Variants in LPA observed in about 807,000 individuals in gnomAD.
LPA encodes apolipoprotein(a).
LPA carries 199 observed loss-of-function variants against 197.9 expected under a neutral mutation model. The ratio of observed to expected loss-of-function variants is 1.01; its 90% CI spans 0.90 to 1.13. LPA has a LOEUF of 1.13. Among genes scored for constraint, LPA ranks in the 50% most tolerant of loss-of-function variants. The pLI is 0.00. For missense variants in LPA, 1,853 were observed against 1,785.8 expected (o/e 1.04, Z -0.68); for synonymous variants, 715 against 639.5 (o/e 1.12, Z -1.78).
At chr6:160,583,596 A>G (rs1288669927) in intron 26 of LPA, among the ~76,000 whole-genome samples, 1 of 152,094 alleles carries the variant, frequency 6.6e-6, no homozygotes, top group Non-Finnish European at 1.5e-5. Flanking sequence ...TTCTTTCCCC[A>G]GTAGCTGTTC....
In LPA at chr6:160,605,643, G is replaced by A. The variant is rs545544540; in HGVS notation, c.2786-438C>T. Among the ~76,000 whole-genome samples, 24 of 152,198 alleles carry A rather than the reference G, an allele frequency of 1.6e-4. No individual in the cohort carries two copies. The East Asian group carries it at 3.3e-3, about 21-fold the overall frequency. ...GATTGGGTGTTAGGGGCAGAGAAAC[G>A]GACAGACATGAAAACAATGAACGTT... On this transcript the variant is annotated intron_variant, in intron 17 of 38. Transcript: ENST00000316300.
intron 28 of LPA, among the ~76,000 whole-genome samples, chr6:160,559,677 C>T (rs1440202013): frequency 3.9e-5 from 6 of 152,172 alleles, no homozygotes; most frequent in Non-Finnish European, 1.5e-5. Flanking sequence ...ATCAGTGACA[C>T]CACTTATTAT....
Position 160,586,583 on chromosome 6 carries a change from G to C in LPA, c.3995C>G (p.Pro1332Arg). 2 of 1,613,778 alleles carry C rather than the reference G, an allele frequency of 1.2e-6. No homozygotes were observed. The highest frequency in any genetic ancestry group is 1.7e-6 in the Non-Finnish European group (2 of 1,179,816). The change falls in exon 25 of 39, where the codon CCT (proline) becomes CGT (arginine). Residue 1332 changes from proline to arginine, a missense_variant. Transcript: ENST00000316300. Reference protein sequence around the residue: ...YCRNPDAEIRPWCYTMDPSVR... With the variant: ...YCRNPDAEIRRWCYTMDPSVR... The stretch of plus-strand genomic sequence containing the variant: ...ACTGGGATCCATGGTATAACACCAA[G>C]GGCGAATCTCAGCATCTGGATTCCT...
intron 2 of LPA, among the ~76,000 whole-genome samples, chr6:160,649,480 C>T (rs1779965595): frequency 6.6e-6 from 1 of 152,160 alleles, no homozygotes; most frequent in Admixed American, 6.5e-5. Flanking sequence ...TCCTAGCCAC[C>T]TGAATAATCC....
Position 160,647,153 on chromosome 6 carries a change from A to C in LPA, c.210-758T>G, listed in dbSNP as rs573439020. ...AGTCTATCCTCTGCTGTCCACAGCC[A>C]CTCCAGAACTGGGGGATGAGTTGAA... is the stretch of plus-strand genomic sequence containing the variant. On this transcript the variant is annotated intron_variant, in intron 2 of 38. Coordinates refer to ENST00000316300, the MANE Select transcript of LPA (RefSeq NM_005577.4). Among the ~76,000 whole-genome samples, 15 of 152,164 alleles carry C rather than the reference A, an allele frequency of 9.9e-5. 2 individuals carry two copies. The highest frequency in any genetic ancestry group is 8.5e-4 in the Admixed American group (13 of 15,292).
intron 1 of LPA, among the ~76,000 whole-genome samples, chr6:160,654,576 G>T (rs1269779437): frequency 2.6e-5 from 4 of 151,908 alleles, no homozygotes; most frequent in Non-Finnish European, 5.9e-5. Context: ...TTCAAATAAA[G>T]ACAATAATAA....
At position 160,650,379 on chromosome 6, in the gene LPA, T is replaced by C; in HGVS notation, c.168A>G (p.Thr56=). ...CTGTGGTCCTATTATGTTGATGTGGTGTCATAGATGACCAAGCTTGGCAGG... is the reference window on the plus strand; with the variant it reads ...CTGTGGTCCTATTATGTTGATGTGGCGTCATAGATGACCAAGCTTGGCAGG... ...GRTCQAWSSM[T]PHQHNRTTEN... The change falls in exon 2 of 39, where the codon ACA becomes ACG. Residue 56 remains threonine (T), a synonymous_variant. Transcript: ENST00000316300. 6.2e-7 allele frequency: 1 copy of C among 1,613,908 alleles called. No homozygotes were observed. Among genetic ancestry groups the C allele is most frequent in the East Asian group, 2.2e-5 (1 of 44,874 alleles).
intron 1 of LPA, among the ~76,000 whole-genome samples, chr6:160,660,008 G>A (rs527674878): frequency 6.6e-6 from 1 of 152,346 alleles, no homozygotes; most frequent in East Asian, 1.9e-4. Flanking sequence ...ATTTATAGAG[G>A]TTTGCAGTGA....
chr6:160,587,292 T>A (rs1242284224), intron 24 of LPA, among the ~76,000 whole-genome samples: 1 of 152,214 alleles, frequency 6.6e-6, no homozygotes, highest in Non-Finnish European at 1.5e-5. Flanking sequence ...AACCTAACTT[T>A]CTGTTTCATG....
Position 160,663,335 on chromosome 6 carries a change from A to G in LPA, c.49+831T>C, listed in dbSNP as rs1780256921. On this transcript the variant is annotated intron_variant, in intron 1 of 38. Transcript: ENST00000316300. ...AAGAGCCCTAGATTTTTTCTTGGAAATCTGGCTTAAATCCAGGTTTCTTTA... is the reference window on the plus strand; with the variant it reads ...AAGAGCCCTAGATTTTTTCTTGGAAGTCTGGCTTAAATCCAGGTTTCTTTA... Among the ~76,000 whole-genome samples, 4 of 152,256 alleles carry G rather than the reference A, an allele frequency of 2.6e-5. No homozygotes were observed. In the South Asian group the frequency reaches 8.3e-4, roughly 32 times the overall value.
At chr6:160,662,598 T>G (rs1025485486) in intron 1 of LPA, among the ~76,000 whole-genome samples, 1 of 152,164 alleles carries the variant, frequency 6.6e-6, no homozygotes, top group African/African-American at 2.4e-5. Flanking sequence ...AAGTTCACAG[T>G]GATCTACATC....
At chr6:160,660,851 A>G (rs1276897607) in intron 1 of LPA, among the ~76,000 whole-genome samples, 1 of 152,194 alleles carries the variant, frequency 6.6e-6, no homozygotes, top group African/African-American at 2.4e-5. Context: ...CACCACTATT[A>G]GTTGGGGAGA....
intron 28 of LPA, among the ~76,000 whole-genome samples, chr6:160,562,136 G>A (rs1778372883): frequency 6.6e-6 from 1 of 152,160 alleles, no homozygotes; most frequent in African/African-American, 2.4e-5. Flanking sequence ...GGGCATCCTT[G>A]TCTTGTGCTG....
At chr6:160,532,347 A>T (rs1777820183) in intron 38 of LPA, among the ~76,000 whole-genome samples, 184 bp downstream of exon 38, 1 of 152,148 alleles carries the variant, frequency 6.6e-6, no homozygotes, top group South Asian at 2.1e-4. Flanking sequence ...TCAAGCCCCA[A>T]GACGTCTCCT....
chr6:160,653,965 AT>A lies in LPA; in HGVS notation c.50-3469del, dbSNP rs1562354354. Among the ~76,000 whole-genome samples the A allele has an allele frequency of 4.7e-3, 125 of 26,424 alleles. 12 individuals are homozygous for A. The highest frequency in any genetic ancestry group is 8.1e-3 in the Admixed American group (10 of 1,236). The allele number at this position is 26,424 out of a possible 152,430, so 17.3% of individuals were successfully genotyped here. A position where few individuals can be genotyped will look rare whatever the true frequency, so the allele number is the denominator to read the frequency against. ...TTTATATATATTATATATAATATAT[AT>A]TATATATAATATATAATATATAATA... On this transcript the variant is annotated intron_variant, in intron 1 of 38. Coordinates refer to ENST00000316300, the MANE Select transcript of LPA (RefSeq NM_005577.4).
chr6:160,658,621 A>T (rs763762196), intron 1 of LPA, among the ~76,000 whole-genome samples: 5 of 152,176 alleles, frequency 3.3e-5, no homozygotes, highest in Non-Finnish European at 5.9e-5. Context: ...ATAAGTGATG[A>T]ATCAGTAGTG....
chr6:160,567,880 A>C (rs1240810805), intron 28 of LPA, among the ~76,000 whole-genome samples: 2 of 152,212 alleles, frequency 1.3e-5, no homozygotes, highest in African/African-American at 2.4e-5. Context: ...TGTGCAAATA[A>C]ACTAGAAAAT....
In LPA at chr6:160,650,720, T is replaced by G. The variant is rs187456207; in HGVS notation, c.50-223A>C. Among the ~76,000 whole-genome samples the G allele has an allele frequency of 6.6e-5, 10 of 152,336 alleles. No individual in the cohort carries two copies. In the East Asian group the frequency reaches 1.9e-3, roughly 29 times the overall value. On this transcript the variant is annotated intron_variant, in intron 1 of 38. Transcript: ENST00000316300. ...ATTTTATTTAAAAGTTTAGAGGAAGTTAACATATCAGAATTCTTCTCACCA... is the reference window on the plus strand; with the variant it reads ...ATTTTATTTAAAAGTTTAGAGGAAGGTAACATATCAGAATTCTTCTCACCA...
At chr6:160,597,002 T>A (rs913834182) in intron 20 of LPA, among the ~76,000 whole-genome samples, 8 of 152,212 alleles carry the variant, frequency 5.3e-5, no homozygotes, top group African/African-American at 1.9e-4. Context: ...AACTTCTCAT[T>A]ATTCATATCT....
Sources: allele counts gnomAD v4.1 joint callset (sites outside exome capture counted in the v4.1 genomes callset), GRCh38; gene constraint gnomAD v4.1.1; transcripts MANE v1.5; gene names NCBI Gene and HGNC (gene_info 2026-07-23, HGNC 2026-07-21).